The following AFF3 variants were observed in gnomAD, a reference collection of about 807,000 sequenced individuals.
AFF3 encodes AF4/FMR2 family member 3.
In AFF3, 32 loss-of-function variants were observed where a neutral mutation model predicts 129.7. The observed-to-expected ratio is 0.25, with a 90% CI of 0.19 to 0.33. The LOEUF is 0.33. AFF3 is among the 10% of genes least tolerant of loss of function. The pLI is 1.00. For missense variants in AFF3, 1,373 were observed against 1,592.0 expected, an observed-to-expected ratio of 0.86 and a Z score of 2.34; for synonymous variants, 644 against 635.4, an observed-to-expected ratio of 1.01 and a Z score of -0.20.
chr2:99,790,132 T>C lies in AFF3; in HGVS notation c.922-37831A>G, dbSNP rs894003502. 1.2e-4 allele frequency among the ~76,000 whole-genome samples: 19 copies of C among 152,276 alleles called. No homozygotes were observed. The East Asian group carries it at 3.7e-3, about 29-fold the overall frequency. Reference sequence around the variant, plus strand: ...GCATTTACCAACCTGCCTTAGAAAATAGTGCAAGCTAATGTTTCTTGTCCA... The same window carrying C: ...GCATTTACCAACCTGCCTTAGAAAACAGTGCAAGCTAATGTTTCTTGTCCA... On this transcript the variant is annotated intron_variant, in intron 8 of 24. Coordinates refer to ENST00000672756, the MANE Select transcript of AFF3 (RefSeq NM_001386135.1).
chr2:99,731,116 C>A (rs548290853), intron 10 of AFF3, among the ~76,000 whole-genome samples: 28 of 152,112 alleles, frequency 1.8e-4, no homozygotes, highest in African/African-American at 5.5e-4. Context: ...TGCCAAAACA[C>A]CTGGCTAATT....
intron 4 of AFF3, among the ~76,000 whole-genome samples, chr2:100,057,110 C>G (rs968382452): frequency 6.6e-6 from 1 of 152,124 alleles, no homozygotes; most frequent in African/African-American, 2.4e-5. Flanking sequence ...CACCTGAGAT[C>G]AGGAGTTCGA....
At chr2:100,132,467 CAA>C (rs1261142173) in intron 1 of AFF3, among the ~76,000 whole-genome samples, 1 of 151,754 alleles carries the variant, frequency 6.6e-6, no homozygotes, top group Non-Finnish European at 1.5e-5. Context: ...TCTGCTTAAT[CAA>C]GAGAAAGATC....
At chr2:99,896,692 G>A (rs1039277160) in intron 7 of AFF3, among the ~76,000 whole-genome samples, 7 of 119,766 alleles carry the variant, frequency 5.8e-5, no homozygotes, top group South Asian at 2.7e-4. Flanking sequence ...CTGGAGTGCC[G>A]TGGCACGATC....
chr2:99,753,034 T>C (rs1681789605), intron 8 of AFF3, among the ~76,000 whole-genome samples: 1 of 152,114 alleles, frequency 6.6e-6, no homozygotes, highest in South Asian at 2.1e-4. Context: ...ATTACAGAAT[T>C]ACATTGATTT....
rs1162690426 is a variant in AFF3, at chr2:99,548,122, T to C, written c.*3352A>G. On this transcript the variant is annotated 3_prime_UTR_variant, in exon 25 of 25. Coordinates refer to ENST00000672756, the MANE Select transcript of AFF3 (RefSeq NM_001386135.1). Reference sequence around the variant, plus strand: ...GCCAAATTTTGATCAGGAATATACCTGGACTACTCTCTTTCAAAGGCAATT... The same window carrying C: ...GCCAAATTTTGATCAGGAATATACCCGGACTACTCTCTTTCAAAGGCAATT... The C allele has an allele frequency of 4.9e-6, 1 of 203,836 alleles. No individual in the cohort carries two copies. Among genetic ancestry groups the C allele is most frequent in the Non-Finnish European group, 1.0e-5 (1 of 99,208 alleles). 12.6% of individuals were successfully genotyped at this position (203,836 alleles called of 1,614,324 possible).
chr2:100,132,472 G>C (rs1692462077), intron 1 of AFF3, among the ~76,000 whole-genome samples: 1 of 151,992 alleles, frequency 6.6e-6, no homozygotes, highest in African/African-American at 2.4e-5. Context: ...TTAATCAAGA[G>C]AAAGATCAAT....
At chr2:100,046,480 C>A (rs1414183398) in intron 4 of AFF3, among the ~76,000 whole-genome samples, 1 of 152,158 alleles carries the variant, frequency 6.6e-6, no homozygotes, top group South Asian at 2.1e-4. Context: ...AACTAGGTTT[C>A]GACTGGCACT....
At chr2:100,011,003 T>A (rs564972881) in intron 4 of AFF3, among the ~76,000 whole-genome samples, 2 of 152,150 alleles carry the variant, frequency 1.3e-5, no homozygotes, top group East Asian at 1.9e-4. Flanking sequence ...AGCCGGGCGC[T>A]GTGGCTCATG....
chr2:99,970,579 C>G (rs531731033), intron 7 of AFF3, among the ~76,000 whole-genome samples: 1 of 152,314 alleles, frequency 6.6e-6, no homozygotes, highest in East Asian at 1.9e-4. Flanking sequence ...ACCACAGAAA[C>G]GAGCCTTCCT....
chr2:99,751,290 A>G (rs1681632651), intron 9 of AFF3, among the ~76,000 whole-genome samples: 1 of 152,152 alleles, frequency 6.6e-6, no homozygotes, highest in Non-Finnish European at 1.5e-5. Context: ...ATTGGGTTTC[A>G]GCATGTTGGC....
rs138848950 is a variant in AFF3, at chr2:99,902,633, G to A, written c.874-65109C>T. Among the ~76,000 whole-genome samples the A allele has an allele frequency of 3.6e-3, 554 of 152,236 alleles. 2 individuals are homozygous for A. The highest frequency in any genetic ancestry group is 0.013 in the African/African-American group (535 of 41,542). On this transcript the variant is annotated intron_variant, in intron 7 of 24. Coordinates refer to ENST00000672756, the MANE Select transcript of AFF3 (RefSeq NM_001386135.1). The stretch of plus-strand genomic sequence containing the variant: ...TGAGCAAATTCTATGGTAACTGTAT[G>A]TTCAAAGGGAAGAATCACCTCCAAA...
At chr2:99,994,517 C>T (rs1302968881) in intron 7 of AFF3, among the ~76,000 whole-genome samples, 1 of 151,908 alleles carries the variant, frequency 6.6e-6, no homozygotes, top group East Asian at 1.9e-4. Context: ...TCAATATAAA[C>T]AATTAGAAAT....
In AFF3 at chr2:100,060,522, AG is replaced by A. The variant is rs1347923038; in HGVS notation, c.53+43879del. ...ATGGTCACAGGTGTTGCTGAAATAC[AG>A]GTAACACTATAGATATATATCAGCT... On this transcript the variant is annotated intron_variant, in intron 4 of 24. Transcript: ENST00000672756. Among the ~76,000 whole-genome samples the A allele has an allele frequency of 5.0e-4, 76 of 152,354 alleles. 1 individual carries two copies. Among genetic ancestry groups the A allele is most frequent in the East Asian group, 2.5e-3 (13 of 5,186 alleles).
At chr2:99,880,078 T>TG (rs1330379328) in intron 7 of AFF3, among the ~76,000 whole-genome samples, 2 of 152,226 alleles carry the variant, frequency 1.3e-5, no homozygotes, top group East Asian at 3.9e-4. Context: ...AAGGATCGTT[T>TG]GGTAAGACAG....
intron 13 of AFF3, among the ~76,000 whole-genome samples, chr2:99,605,937 C>T (rs1373439356): frequency 6.6e-6 from 1 of 152,160 alleles, no homozygotes. Context: ...ATCCTTCCAC[C>T]TCAGCCTCCC....
intron 7 of AFF3, among the ~76,000 whole-genome samples, chr2:99,988,050 C>G (rs1057429331): frequency 5.9e-5 from 9 of 151,976 alleles, no homozygotes; most frequent in African/African-American, 2.2e-4. Context: ...ATAAAAGAGG[C>G]AGCTATGTGA....
chr2:99,980,739 G>A (rs1269869934), intron 7 of AFF3, among the ~76,000 whole-genome samples: 1 of 152,122 alleles, frequency 6.6e-6, no homozygotes, highest in Non-Finnish European at 1.5e-5. Flanking sequence ...ACATGCTCTT[G>A]TAGTTCATCT....
chr2:99,720,719 T>C (rs13431170), intron 11 of AFF3, among the ~76,000 whole-genome samples: 77,701 of 152,018 alleles, frequency 0.51, 20,033 homozygotes, highest in East Asian at 0.66. Flanking sequence ...CTGGTCTTTC[T>C]TTCCCGCCAT....
Sources: gnomAD v4.1 joint callset for allele counts (sites outside exome capture counted in the v4.1 genomes callset) on GRCh38, gnomAD v4.1.1 for gene constraint, MANE v1.5 for transcripts, NCBI Gene and HGNC (gene_info 2026-07-23, HGNC 2026-07-21) for gene names.